Variants in STX7 observed in about 807,000 individuals in gnomAD.
STX7 encodes the protein syntaxin 7.
Under a neutral mutation model 39.6 loss-of-function variants are expected in STX7, and 34 were observed. The observed-to-expected ratio is 0.86, with a 90% CI of 0.65 to 1.14. The LOEUF (loss-of-function observed/expected upper bound fraction) is 1.14, where lower values mean the gene tolerates loss of function less well. STX7 is among the 50% of genes most tolerant of loss of function. The pLI, the probability that STX7 is intolerant of heterozygous loss-of-function variation, is 0.00. For missense variants in STX7, 284 were observed against 310.4 expected (o/e 0.92, Z 0.64); for synonymous variants, 119 against 99.1 (o/e 1.20, Z -1.19).
chr6:132,500,854 T>A (rs1562339012), intron 2 of STX7, among the ~76,000 whole-genome samples: 1 of 152,204 alleles, frequency 6.6e-6, no homozygotes, highest in Admixed American at 6.5e-5. Flanking sequence ...ATCTCATTCC[T>A]CCTGAGGGAG....
In STX7 at chr6:132,446,565, C is replaced by CTT. The variant is rs900518951; in HGVS notation, c.*14191_*14192dup. The CTT allele has an allele frequency of 6.6e-6, 1 of 152,090 alleles. No homozygotes were observed. The highest frequency in any genetic ancestry group is 1.5e-5 in the Non-Finnish European group (1 of 68,014). 9.4% of individuals were successfully genotyped at this position (152,090 alleles called of 1,614,324 possible). ...TCAGAATGTGCTGAATAAGATTTTG[C>CTT]TTTTTCTCAGGGCCCAGCATTTATT... On this transcript the variant is annotated 3_prime_UTR_variant, in exon 10 of 10. Transcript: ENST00000367941.
At chr6:132,509,458 ATAACATAACATAAC>A (rs1562343453) in intron 1 of STX7, among the ~76,000 whole-genome samples, 55,237 of 128,654 alleles carry the variant, frequency 0.43, 15,375 homozygotes, top group Middle Eastern at 0.61. Context: ...TCAAAATAAC[ATAACATAACATAAC>A]ATAACATAAC....
intron 3 of STX7, among the ~76,000 whole-genome samples, chr6:132,472,840 A>T (rs1283526832): frequency 6.7e-6 from 1 of 150,274 alleles, no homozygotes; most frequent in East Asian, 2.0e-4. Context: ...GAACATGTAT[A>T]TGCTATAGAT....
At chr6:132,511,159 T>C (rs969505494) in intron 1 of STX7, among the ~76,000 whole-genome samples, 7 of 152,350 alleles carry the variant, frequency 4.6e-5, no homozygotes, top group South Asian at 2.1e-4. Flanking sequence ...ATTTGTAGAA[T>C]GAATGAATGT....
At chr6:132,510,165 C>T (rs1268043679) in intron 1 of STX7, among the ~76,000 whole-genome samples, 1 of 152,068 alleles carries the variant, frequency 6.6e-6, no homozygotes, top group African/African-American at 2.4e-5. Context: ...TGTTCTATAC[C>T]CCTAAAAGGT....
intron 8 of STX7, among the ~76,000 whole-genome samples, chr6:132,467,381 C>T (rs1774590640): frequency 6.6e-6 from 1 of 152,140 alleles, no homozygotes; most frequent in Admixed American, 6.6e-5. Flanking sequence ...ACCTAACTAC[C>T]CTGTGTCAAG....
At chr6:132,497,543 C>T (rs1339768345) in intron 2 of STX7, among the ~76,000 whole-genome samples, 3 of 152,112 alleles carry the variant, frequency 2.0e-5, no homozygotes, top group African/African-American at 2.4e-5. Context: ...ATACATTATA[C>T]TTCCATTTTT....
intron 1 of STX7, among the ~76,000 whole-genome samples, chr6:132,504,356 T>A (rs1775647002): frequency 6.6e-6 from 1 of 152,140 alleles, no homozygotes; most frequent in Admixed American, 6.6e-5. Context: ...GCAGCCAGCA[T>A]CTCAGAATAG....
rs1328654281 is a variant in STX7, at chr6:132,454,597, A to G, written c.*6161T>C. Reference sequence around the variant, plus strand: ...GGGCTCTATTTCAAATGTCCATACCATTCCAAAGGAAAGTATTGGTCACAT... The same window carrying G: ...GGGCTCTATTTCAAATGTCCATACCGTTCCAAAGGAAAGTATTGGTCACAT... On this transcript the variant is annotated 3_prime_UTR_variant, in exon 10 of 10. Coordinates refer to ENST00000367941, the MANE Select transcript of STX7 (RefSeq NM_003569.3). 1 of 152,200 alleles carries G rather than the reference A, an allele frequency of 6.6e-6. No homozygotes were observed. Among genetic ancestry groups the G allele is most frequent in the Non-Finnish European group, 1.5e-5 (1 of 68,018 alleles). The allele number at this position is 152,200 out of a possible 1,614,324, so 9.4% of individuals were successfully genotyped here.
rs534534027 is a variant in STX7, at chr6:132,449,100, T to TC, written c.*11657dup. On this transcript the variant is annotated 3_prime_UTR_variant, in exon 10 of 10. Coordinates refer to ENST00000367941, the MANE Select transcript of STX7 (RefSeq NM_003569.3). ...ACTCCTGGGCTCGTGTGATCCTCCC[T>TC]CCTCAGCCTCTTGAGTAGCTGGGAC... 129 of 151,914 alleles carry TC rather than the reference T, an allele frequency of 8.5e-4. 1 individual carries two copies. The highest frequency in any genetic ancestry group is 2.9e-3 in the African/African-American group (121 of 41,290). 9.4% of individuals were successfully genotyped at this position (151,914 alleles called of 1,614,324 possible).
intron 1 of STX7, 92 bp from the exon 2 acceptor site, chr6:132,503,680 T>C (rs1775633554): frequency 1.8e-6 from 1 of 563,826 alleles, no homozygotes; most frequent in Admixed American, 3.3e-5. Flanking sequence ...AGGACAAACT[T>C]GATTAATCTA....
intron 2 of STX7, 40 bp from the exon 3 acceptor site, chr6:132,475,702 G>A (rs200720916): frequency 2.1e-6 from 3 of 1,442,550 alleles, no homozygotes; most frequent in East Asian, 4.6e-5. Flanking sequence ...TGTCACAAAA[G>A]TTAAGGTAAC....
rs1774034504 is a variant in STX7, at chr6:132,447,268, A to G, written c.*13490T>C. The G allele has an allele frequency of 6.6e-6, 1 of 152,182 alleles. No homozygotes were observed. The allele number at this position is 152,182 out of a possible 1,614,324, so 9.4% of individuals were successfully genotyped here. ...AGAGCGTTTCTTATCAGTCAACAAA[A>G]CTATTTCCAGAGAGGCTTGAAATAA... On this transcript the variant is annotated 3_prime_UTR_variant, in exon 10 of 10. Coordinates refer to ENST00000367941, the MANE Select transcript of STX7 (RefSeq NM_003569.3).
rs1383344159 is a variant in STX7, at chr6:132,458,674, A to G, written c.*2084T>C. On this transcript the variant is annotated 3_prime_UTR_variant, in exon 10 of 10. Transcript: ENST00000367941. ...AGAAAAGTTCAAGATTTTTTAAAAAATTTGGCTACCATACTATGTTTCTTA... is the reference window on the plus strand; with the variant it reads ...AGAAAAGTTCAAGATTTTTTAAAAAGTTTGGCTACCATACTATGTTTCTTA... 4 of 152,212 alleles carry G rather than the reference A, an allele frequency of 2.6e-5. No individual in the cohort carries two copies. The highest frequency in any genetic ancestry group is 9.6e-5 in the African/African-American group (4 of 41,460). The allele number at this position is 152,212 out of a possible 1,614,324, so 9.4% of individuals were successfully genotyped here.
chr6:132,491,515 G>A (rs899283014), intron 2 of STX7, among the ~76,000 whole-genome samples: 1 of 152,068 alleles, frequency 6.6e-6, no homozygotes, highest in Non-Finnish European at 1.5e-5. Context: ...TCCTTGGGCC[G>A]CCCCTCACTC....
At chr6:132,505,758 AAAAAAAC>A (rs1308269480) in intron 1 of STX7, among the ~76,000 whole-genome samples, 9 of 129,178 alleles carry the variant, frequency 7.0e-5, no homozygotes, top group African/African-American at 2.3e-4. Context: ...AAAAAAAAAA[AAAAAAAC>A]ACAGGTTTTG....
intron 2 of STX7, among the ~76,000 whole-genome samples, chr6:132,489,943 A>C (rs888511329): frequency 1.3e-5 from 2 of 152,218 alleles, no homozygotes; most frequent in Non-Finnish European, 2.9e-5. Flanking sequence ...GTACAAAAAC[A>C]AGTCATCTAA....
rs758237798 is a variant in STX7, at chr6:132,470,054, G to GA, written c.441-8dup. ...CACTTGAGGTTGAGTTTGGCTAACA[G>GA]AAAAAAATGAATGTGGAAAAAAACA... is the stretch of plus-strand genomic sequence containing the variant. On this transcript the variant is annotated splice_polypyrimidine_tract_variant and splice_region_variant and intron_variant, in intron 6 of 9. Transcript: ENST00000367941. 5 of 1,565,740 alleles carry GA rather than the reference G, an allele frequency of 3.2e-6. No homozygotes were observed. The highest frequency in any genetic ancestry group is 2.1e-5 in the Admixed American group (1 of 47,456).
intron 2 of STX7, among the ~76,000 whole-genome samples, chr6:132,481,073 A>G (rs1277170734): frequency 6.6e-6 from 1 of 152,098 alleles, no homozygotes; most frequent in Non-Finnish European, 1.5e-5. Flanking sequence ...AACTGAATAG[A>G]CCTCAGTTTT....
Sources: allele counts gnomAD v4.1 joint callset (sites outside exome capture counted in the v4.1 genomes callset), GRCh38; gene constraint gnomAD v4.1.1; transcripts MANE v1.5; gene names NCBI Gene and HGNC (gene_info 2026-07-23, HGNC 2026-07-21).